Variants in CCNI observed in about 807,000 individuals in gnomAD.
The protein encoded by CCNI is cyclin I.
CCNI carries 14 observed loss-of-function variants against 34.1 expected under a neutral mutation model. The observed-to-expected ratio is 0.41, with a 90% CI of 0.27 to 0.64. The LOEUF (loss-of-function observed/expected upper bound fraction) is 0.64, where lower values mean the gene tolerates loss of function less well. Among genes scored for constraint, CCNI ranks in the 30% least tolerant of loss-of-function variants. The probability of loss-of-function intolerance (pLI) is 0.31; values close to 1 mark genes in which losing one functional copy is unlikely to be tolerated. For synonymous variants in CCNI, 154 were observed against 158.4 expected (o/e 0.97, Z 0.21); for missense variants, 385 against 440.5 (o/e 0.87, Z 1.13).
At chr4:77,049,682 A>T (rs1015526610) in intron 6 of CCNI, among the ~76,000 whole-genome samples, 2 of 92,856 alleles carry the variant, frequency 2.2e-5, no homozygotes, top group Admixed American at 1.1e-4. Flanking sequence ...ACTCTGTCTT[A>T]AAAAAAAAAA....
Position 77,075,554 on chromosome 4 carries a change from G to C in CCNI, c.-126C>G, listed in dbSNP as rs4252763. 8 of 988,552 alleles carry C rather than the reference G, an allele frequency of 8.1e-6. No individual in the cohort carries two copies. The African/African-American group carries it at 1.2e-4, about 15-fold the overall frequency. The allele number at this position is 988,552 out of a possible 1,614,324, so 61.2% of individuals were successfully genotyped here. On this transcript the variant is annotated 5_prime_UTR_variant, in exon 1 of 7. Transcript: ENST00000237654. ...GTGACGCGGGGTCATCCGGGGGCCC[G>C]TTACCACCTCATTCTCATAGGCGCG...
At position 77,048,672 on chromosome 4, in the gene CCNI, G is replaced by GAA. The variant is rs372228783; in HGVS notation, c.691-12_691-11dup. On this transcript the variant is annotated splice_polypyrimidine_tract_variant and intron_variant, in intron 6 of 6. Coordinates refer to ENST00000237654, the MANE Select transcript of CCNI (RefSeq NM_006835.3). ...ACTGGGAGCTATCCATCTGGGCCAG[G>GAA]AAAAAAAAAAAGCCACACACAGTTG... The GAA allele has an allele frequency of 7.9e-4, 954 of 1,214,316 alleles. 1 individual carries two copies. The African/African-American group carries it at 0.011, about 14-fold the overall frequency. 75.2% of individuals were successfully genotyped at this position (1,214,316 alleles called of 1,614,324 possible). A position where few individuals can be genotyped will look rare whatever the true frequency, so the allele number is the denominator to read the frequency against.
intron 6 of CCNI, among the ~76,000 whole-genome samples, chr4:77,054,361 T>C (rs1188705495): frequency 5.3e-5 from 8 of 152,296 alleles, no homozygotes; most frequent in Non-Finnish European, 1.0e-4. Flanking sequence ...TACTGTTAAA[T>C]AAGAATAAAT....
In CCNI at chr4:77,048,349, T is replaced by C; in HGVS notation, c.1004A>G (p.Asp335Gly). 1 of 1,606,450 alleles carries C rather than the reference T, an allele frequency of 6.2e-7. No individual in the cohort carries two copies. The highest frequency in any genetic ancestry group is 8.5e-7 in the Non-Finnish European group (1 of 1,175,120). The change falls in exon 7 of 7, where the codon GAT becomes GGT. Residue 335 changes from aspartate (D) to glycine (G), a missense_variant. Physicochemically the swap from Asp to Gly is moderately conservative, Grantham distance 94. Transcript: ENST00000237654. ...VEEMEVDDFY[D>G]GIKRLYNEDN... ...TTCATTATAGAGCCGTTTGATTCCA[T>C]CATAGAAGTCATCCACTTCCATTTC... is the stretch of plus-strand genomic sequence containing the variant.
chr4:77,074,953 AT>A (rs1729785362), intron 1 of CCNI: 1 of 146,066 alleles, frequency 6.8e-6, no homozygotes, highest in Non-Finnish European at 1.5e-5. Flanking sequence ...CCTCCCCCGG[AT>A]TCCCCCCACC....
intron 2 of CCNI, among the ~76,000 whole-genome samples, chr4:77,063,910 C>T (rs957149710): frequency 6.6e-6 from 1 of 152,042 alleles, no homozygotes; most frequent in Non-Finnish European, 1.5e-5. Context: ...ATTCTGTTCT[C>T]TGGTATTACC....
chr4:77,075,476 T>G lies in CCNI; in HGVS notation c.-48A>C. On this transcript the variant is annotated 5_prime_UTR_variant, in exon 1 of 7. Coordinates refer to ENST00000237654, the MANE Select transcript of CCNI (RefSeq NM_006835.3). The stretch of plus-strand genomic sequence containing the variant: ...GCCCCCGCCCCCGCCCCTCACCTTC[T>G]CCTCCTCTTCCTCCTCCTCCTCCTC... 1.8e-6 allele frequency: 1 copy of G among 563,696 alleles called. No individual in the cohort carries two copies. The highest frequency in any genetic ancestry group is 2.2e-6 in the Non-Finnish European group (1 of 444,992). The allele number at this position is 563,696 out of a possible 1,614,324, so 34.9% of individuals were successfully genotyped here. A position where few individuals can be genotyped will look rare whatever the true frequency, so the allele number is the denominator to read the frequency against.
In CCNI at chr4:77,047,918, C is replaced by A. The variant is rs1727537077; in HGVS notation, c.*301G>T. Reference sequence around the variant, plus strand: ...AATTTTAATTGAATTTTTGACGGGGCAAGCTACGTTACATTATGGCAGAAA... The same window carrying A: ...AATTTTAATTGAATTTTTGACGGGGAAAGCTACGTTACATTATGGCAGAAA... On this transcript the variant is annotated 3_prime_UTR_variant, in exon 7 of 7. Coordinates refer to ENST00000237654, the MANE Select transcript of CCNI (RefSeq NM_006835.3). 4.4e-6 allele frequency: 1 copy of A among 226,160 alleles called. No homozygotes were observed. 14.0% of individuals were successfully genotyped at this position (226,160 alleles called of 1,614,324 possible).
chr4:77,062,728 C>T (rs867900615), intron 2 of CCNI, among the ~76,000 whole-genome samples: 7 of 152,194 alleles, frequency 4.6e-5, no homozygotes, highest in South Asian at 4.1e-4. Context: ...CAATTTGTGG[C>T]AGGGTTTTAT....
In CCNI at chr4:77,047,395, G is replaced by C. The variant is rs1489446010; in HGVS notation, c.*824C>G. 6.6e-6 allele frequency: 1 copy of C among 152,146 alleles called. No individual in the cohort carries two copies. The highest frequency in any genetic ancestry group is 1.5e-5 in the Non-Finnish European group (1 of 68,018). The allele number at this position is 152,146 out of a possible 1,614,324, so 9.4% of individuals were successfully genotyped here. A position where few individuals can be genotyped will look rare whatever the true frequency, so the allele number is the denominator to read the frequency against. On this transcript the variant is annotated 3_prime_UTR_variant, in exon 7 of 7. Transcript: ENST00000237654. ...AATCATAGAGCTGCCCCAACATCTA[G>C]ACAGTCTCTCCTACTGATTATAAAT...
intron 1 of CCNI, among the ~76,000 whole-genome samples, chr4:77,069,273 C>G (rs891781318): frequency 1.3e-5 from 2 of 152,004 alleles, no homozygotes; most frequent in African/African-American, 4.8e-5. Context: ...AAAAATTAGG[C>G]AGGCGTGGTG....
Position 77,056,112 on chromosome 4 carries a change from G to T in CCNI, c.319-10C>A. 1 of 1,612,134 alleles carries T rather than the reference G, an allele frequency of 6.2e-7. No individual in the cohort carries two copies. On this transcript the variant is annotated splice_polypyrimidine_tract_variant and intron_variant, in intron 4 of 6. Transcript: ENST00000237654. ...TTAGTACTGGAATTCTCTATCCAAAGCAAAGGGGAACAGGGACAGGGAGAA... is the reference window on the plus strand; with the variant it reads ...TTAGTACTGGAATTCTCTATCCAAATCAAAGGGGAACAGGGACAGGGAGAA...
At chr4:77,066,511 T>C (rs1729048220) in intron 1 of CCNI, 106 bp from the exon 2 acceptor site, 1 of 697,388 alleles carries the variant, frequency 1.4e-6, no homozygotes, top group Non-Finnish European at 2.4e-6. Context: ...TATGAGGCAG[T>C]ATAGGATTTT....
chr4:77,052,418 A>G (rs771109504), intron 6 of CCNI, among the ~76,000 whole-genome samples: 2 of 152,202 alleles, frequency 1.3e-5, no homozygotes, highest in Non-Finnish European at 2.9e-5. Flanking sequence ...CTGAGTTTAT[A>G]AGGCTAAGGA....
intron 6 of CCNI, among the ~76,000 whole-genome samples, chr4:77,053,710 ATAATG>A (rs1465315102): frequency 1.3e-5 from 2 of 152,242 alleles, no homozygotes; most frequent in African/African-American, 2.4e-5. Context: ...TCCAATAAAA[ATAATG>A]TAATGTAGGA....
chr4:77,061,506 T>C (rs1728602384), intron 2 of CCNI, among the ~76,000 whole-genome samples: 2 of 152,284 alleles, frequency 1.3e-5, no homozygotes, highest in Admixed American at 1.3e-4. Context: ...GCTATTAATA[T>C]ATATTCTGTA....
intron 2 of CCNI, among the ~76,000 whole-genome samples, chr4:77,063,516 C>A (rs1374086105): frequency 1.3e-5 from 2 of 151,762 alleles, no homozygotes; most frequent in African/African-American, 2.4e-5. Flanking sequence ...AGTGAAACCC[C>A]GTCTCTACTA....
intron 1 of CCNI, among the ~76,000 whole-genome samples, chr4:77,067,766 A>T: frequency 1.6e-5 from 2 of 122,246 alleles, no homozygotes; most frequent in East Asian, 2.5e-4. Flanking sequence ...TACAGGTGTG[A>T]GCCACCGTGC....
At chr4:77,071,250 T>A (rs968637390) in intron 1 of CCNI, among the ~76,000 whole-genome samples, 3 of 152,220 alleles carry the variant, frequency 2.0e-5, no homozygotes, top group Admixed American at 2.0e-4. Context: ...TAACTTTTTT[T>A]AAAACAAAGG....
Sources: gnomAD v4.1 joint callset for allele counts (sites outside exome capture counted in the v4.1 genomes callset) on GRCh38, gnomAD v4.1.1 for gene constraint, MANE v1.5 for transcripts, NCBI Gene and HGNC (gene_info 2026-07-23, HGNC 2026-07-21) for gene names.